KIAA0586: variants seen among roughly 807,000 people sequenced by gnomAD.
KIAA0586 encodes protein TALPID3.
A neutral mutation model predicts 169.8 loss-of-function variants in KIAA0586; 144 were observed. The observed-to-expected ratio is 0.85, with a 90% CI of 0.74 to 0.97. The LOEUF (loss-of-function observed/expected upper bound fraction) is 0.97. KIAA0586 is among the 50% of genes least tolerant of loss of function. The pLI, the probability that KIAA0586 is intolerant of heterozygous loss-of-function variation, is 0.00. For missense variants in KIAA0586, 1,854 were observed against 1,823.0 expected, an observed-to-expected ratio of 1.02 and a Z score of -0.31; for synonymous variants, 625 against 612.4, an observed-to-expected ratio of 1.02 and a Z score of -0.30.
chr14:58,445,056 G>C (rs1323756873), intron 6 of KIAA0586, among the ~76,000 whole-genome samples: 1 of 150,940 alleles, frequency 6.6e-6, no homozygotes, highest in Non-Finnish European at 1.5e-5. Flanking sequence ...TAATACAACT[G>C]CACTTCATCC....
chr14:58,429,907 A>G (rs1336747720), intron 2 of KIAA0586, among the ~76,000 whole-genome samples: 6 of 152,200 alleles, frequency 3.9e-5, no homozygotes, highest in Admixed American at 3.9e-4. Context: ...AAAGTATTTG[A>G]TAAATACAAT....
rs376057162 is a variant in KIAA0586 at position 58,546,597 on chromosome 14, G to C, written c.4496-1184G>C. 1.1e-4 allele frequency among the ~76,000 whole-genome samples: 16 copies of C among 152,130 alleles called. No individual in the cohort carries two copies. The East Asian group carries it at 2.5e-3, about 24-fold the overall frequency. ...GTAAATCCATGAAATTTTAAATGAGGATTTTTGTTTGTTTGTTTTAAATAA... is the reference window on the plus strand; with the variant it reads ...GTAAATCCATGAAATTTTAAATGAGCATTTTTGTTTGTTTGTTTTAAATAA... On this transcript the variant is annotated intron_variant, in intron 30 of 30. Coordinates refer to ENST00000652326, the MANE Select transcript of KIAA0586 (RefSeq NM_001329943.3).
intron 26 of KIAA0586, among the ~76,000 whole-genome samples, chr14:58,497,005 G>C (rs1009642701): frequency 7.0e-6 from 1 of 142,304 alleles, no homozygotes. Flanking sequence ...ACGGAGTTTC[G>C]CTTTTGTTGC....
chr14:58,447,905 A>G (rs142291266), intron 6 of KIAA0586, among the ~76,000 whole-genome samples: 79 of 152,358 alleles, frequency 5.2e-4, no homozygotes, highest in Middle Eastern at 6.8e-3. Flanking sequence ...CTCACTATCA[A>G]TGATTTTCAA....
downstream of KIAA0586, among the ~76,000 whole-genome samples, chr14:58,555,375 A>G (rs986291467): frequency 3.3e-5 from 5 of 152,096 alleles, no homozygotes; most frequent in African/African-American, 7.2e-5. Flanking sequence ...TGCTGGGATT[A>G]CAGGCGTGAG....
rs2040880198 is a variant in KIAA0586, at chr14:58,467,773, G to A, written c.2293G>A (p.Gly765Arg). The change falls in exon 16 of 31, where the codon GGA (glycine) becomes AGA (arginine). Residue 765 changes from glycine to arginine, a missense_variant. Coordinates refer to ENST00000652326, the MANE Select transcript of KIAA0586 (RefSeq NM_001329943.3). ...QSNSDTMPPA[G>R]VIVSKPHPVT... The stretch of plus-strand genomic sequence containing the variant: ...TAATAGTGATACCATGCCACCTGCT[G>A]GAGTGATTGTCAGCAAGCCACACCC... 6.2e-7 allele frequency: 1 copy of A among 1,613,388 alleles called. No homozygotes were observed. Among genetic ancestry groups the A allele is most frequent in the South Asian group, 1.1e-5 (1 of 91,024 alleles).
intron 29 of KIAA0586, among the ~76,000 whole-genome samples, chr14:58,525,829 C>T (rs1303622682): frequency 6.6e-6 from 1 of 152,216 alleles, no homozygotes; most frequent in Non-Finnish European, 1.5e-5. Context: ...TTCTCACTGC[C>T]AGCACAGCAG....
At chr14:58,461,223 G>T in intron 14 of KIAA0586, 63 bp downstream of exon 14, 1 of 1,187,126 alleles carries the variant, frequency 8.4e-7, no homozygotes. Flanking sequence ...AATATGTAAA[G>T]TTTCTTTTTG....
At chr14:58,543,842 A>C (rs1314561260) in intron 30 of KIAA0586, 2 of 449,728 alleles carry the variant, frequency 4.4e-6, no homozygotes, top group East Asian at 7.0e-5. Flanking sequence ...CACAGCTATT[A>C]GGATGATTTT....
the KIAA0586 span, among the ~76,000 whole-genome samples, chr14:58,560,018 G>A: frequency 2.6e-5 from 4 of 152,112 alleles, no homozygotes; most frequent in Non-Finnish European, 4.4e-5. Flanking sequence ...GAGCATGATG[G>A]CACGCGCCTG....
At chr14:58,430,034 A>G (rs1370583759) in intron 2 of KIAA0586, among the ~76,000 whole-genome samples, 1 of 152,178 alleles carries the variant, frequency 6.6e-6, no homozygotes, top group Non-Finnish European at 1.5e-5. Context: ...TTGAAAATTG[A>G]AGCTGGCAAA....
At chr14:58,554,113 G>C (rs2047231662), downstream of KIAA0586, among the ~76,000 whole-genome samples, 1 of 152,150 alleles carries the variant, frequency 6.6e-6, no homozygotes, top group African/African-American at 2.4e-5. Flanking sequence ...TGATCTGAGA[G>C]TGCCTATGAG....
chr14:58,477,414 T>A (rs141901595), intron 20 of KIAA0586, among the ~76,000 whole-genome samples, 173 bp downstream of exon 20: 6 of 152,300 alleles, frequency 3.9e-5, no homozygotes, highest in Middle Eastern at 3.4e-3. Context: ...ACCCTCTTAT[T>A]TCATATTGCA....
Position 58,460,058 on chromosome 14 carries a change from A to G in KIAA0586, c.1872A>G (p.Lys624=). ...GCATGCCTGCTTCAAGTTTACAGAA[A>G]GAGAGAAAGGAAGTAAGATCCTAAT... ...MRGMPASSLQ[K]ERKEGLLKAT... Residue 624 remains lysine (K), a synonymous_variant, in exon 13 of 31, where the codon AAA becomes AAG. Coordinates refer to ENST00000652326, the MANE Select transcript of KIAA0586 (RefSeq NM_001329943.3). 4 of 1,509,654 alleles carry G rather than the reference A, an allele frequency of 2.6e-6. No individual in the cohort carries two copies. In the East Asian group the frequency reaches 7.4e-5, roughly 28 times the overall value. The allele number at this position is 1,509,654 out of a possible 1,614,324, so 93.5% of individuals were successfully genotyped here. A position where few individuals can be genotyped will look rare whatever the true frequency, so the allele number is the denominator to read the frequency against.
At position 58,474,561 on chromosome 14, in the gene KIAA0586, T is replaced by A. The variant is rs1433347657; in HGVS notation, c.2635-46T>A. 5.9e-6 allele frequency: 8 copies of A among 1,362,528 alleles called. 2 individuals carry two copies. In the South Asian group the frequency reaches 1.2e-4, roughly 20 times the overall value. 84.4% of individuals were successfully genotyped at this position (1,362,528 alleles called of 1,614,324 possible). On this transcript the variant is annotated intron_variant, in intron 18 of 30. Coordinates refer to ENST00000652326, the MANE Select transcript of KIAA0586 (RefSeq NM_001329943.3). ...GCCTATAGTTGGTACTCAGTAAATG[T>A]TGAACAAATACATGAATATAATAGT...
At chr14:58,498,716 G>T in intron 26 of KIAA0586, 67 bp from the exon 27 acceptor site, 1 of 1,381,954 alleles carries the variant, frequency 7.2e-7, no homozygotes, top group Non-Finnish European at 9.8e-7. Flanking sequence ...ATGATATTTG[G>T]CAAAGATTTC....
At chr14:58,560,048 G>C in the KIAA0586 span, among the ~76,000 whole-genome samples, 1 of 151,954 alleles carries the variant, frequency 6.6e-6, no homozygotes, top group African/African-American at 2.4e-5. Flanking sequence ...CTACTCGGGA[G>C]GCTGAGGCAG....
At chr14:58,547,681 C>CGGG in intron 30 of KIAA0586, 100 bp from the exon 31 acceptor site, 4 of 990,206 alleles carry the variant, frequency 4.0e-6, no homozygotes, top group Non-Finnish European at 3.0e-6. Context: ...ATTTGGAATC[C>CGGG]GCGCCCCCCC....
Position 58,427,926 on chromosome 14 carries a change from A to C in KIAA0586, c.-339A>C. The C allele has an allele frequency of 7.3e-7, 1 of 1,372,966 alleles. No homozygotes were observed. Among genetic ancestry groups the C allele is most frequent in the Middle Eastern group, 2.7e-4 (1 of 3,746 alleles). 85.0% of individuals were successfully genotyped at this position (1,372,966 alleles called of 1,614,324 possible). A position where few individuals can be genotyped will look rare whatever the true frequency, so the allele number is the denominator to read the frequency against. ...GACTGCCTCTTCTCAACAAATTTTAAGCCCGCCACTACATGTGTTTGGTTT... is the reference window on the plus strand; with the variant it reads ...GACTGCCTCTTCTCAACAAATTTTACGCCCGCCACTACATGTGTTTGGTTT... On this transcript the variant is annotated 5_prime_UTR_variant, in exon 1 of 31. Transcript: ENST00000652326.
Sources: gnomAD v4.1 joint callset for allele counts (sites outside exome capture counted in the v4.1 genomes callset) on GRCh38, gnomAD v4.1.1 for gene constraint, MANE v1.5 for transcripts, NCBI Gene and HGNC (gene_info 2026-07-23, HGNC 2026-07-21) for gene names.